Variants in PHLPP2 observed in about 807,000 individuals in gnomAD.
PHLPP2 encodes PH domain leucine-rich repeat-containing protein phosphatase 2.
Under a neutral mutation model 124.9 loss-of-function variants are expected in PHLPP2, and 66 were observed. The observed-to-expected ratio is 0.53, with a 90% CI of 0.43 to 0.65. The LOEUF is 0.65. Among genes scored for constraint, PHLPP2 ranks in the 30% least tolerant of loss-of-function variants. The pLI, the probability that PHLPP2 is intolerant of heterozygous loss-of-function variation, is 0.00. For missense variants in PHLPP2, 1,685 were observed against 1,600.4 expected (o/e 1.05, Z -0.90); for synonymous variants, 681 against 624.7 (o/e 1.09, Z -1.34).
chr16:71,695,965 A>G (rs2045165991), intron 3 of PHLPP2, among the ~76,000 whole-genome samples: 1 of 152,228 alleles, frequency 6.6e-6, no homozygotes, highest in South Asian at 2.1e-4. Flanking sequence ...GGAGGTGATT[A>G]TAACAAATTA....
At chr16:71,671,517 T>C (rs928485494) in intron 10 of PHLPP2, among the ~76,000 whole-genome samples, 2 of 152,056 alleles carry the variant, frequency 1.3e-5, no homozygotes, top group African/African-American at 2.4e-5. Flanking sequence ...ACAGTGGTTA[T>C]AAATGAATAA....
At chr16:71,714,338 G>C (rs2045343322) in intron 2 of PHLPP2, among the ~76,000 whole-genome samples, 174 bp downstream of exon 2, 4 of 152,168 alleles carry the variant, frequency 2.6e-5, no homozygotes. Flanking sequence ...TTGGTCAATA[G>C]TTTTTAAATT....
intron 1 of PHLPP2, among the ~76,000 whole-genome samples, chr16:71,719,964 ATT>A (rs756642820): frequency 3.4e-4 from 18 of 53,250 alleles, no homozygotes; most frequent in African/African-American, 4.2e-4. Context: ...TGCCCAGCTA[ATT>A]TTTTTTTTTT....
intron 8 of PHLPP2, chr16:71,677,453 C>CATATATATATATATATATAT (rs9302629): frequency 7.5e-6 from 1 of 133,778 alleles, no homozygotes; most frequent in Non-Finnish European, 1.6e-5. Context: ...ATAATCTGCA[C>CATATATATATATATATATAT]ATATATATAT....
chr16:71,678,930 C>A lies in PHLPP2; in HGVS notation c.1093G>T (p.Gly365Ter). 1 of 1,613,302 alleles carries A rather than the reference C, an allele frequency of 6.2e-7. No homozygotes were observed. The highest frequency in any genetic ancestry group is 1.1e-5 in the South Asian group (1 of 91,052). ...NFLTTLPEEL[G>*]NLQQLSSLGI... is the part of the protein sequence containing the mutation. The stretch of plus-strand genomic sequence containing the variant: ...AAGGAGGAAAGCTGTTGTAGATTTC[C>A]CAATTCTTCAGGTAAAGTAGTCAGA... The change falls in exon 8 of 19, where the codon GGA (glycine) becomes TGA (stop). Residue 365 changes from glycine (G) to a stop codon, truncating the protein, a stop_gained. Coordinates refer to ENST00000568954, the MANE Select transcript of PHLPP2 (RefSeq NM_015020.3). LOFTEE classifies it high-confidence loss of function.
In PHLPP2 at chr16:71,684,523, A is replaced by C. The variant is rs772115615; in HGVS notation, c.688T>G (p.Phe230Val). ...CGCTGGTACTCGGCCAAAGTCTCGA[A>C]GCTGACATGATAGGTCTGAGCTTGG... ...GAQAQTYHVSFETLAEYQRWQ... is the reference protein window; with the variant it reads ...GAQAQTYHVSVETLAEYQRWQ... Residue 230 changes from phenylalanine (F) to valine (V), a missense_variant, in exon 5 of 19, where the codon TTC becomes GTC. Phe to Val is a conservative substitution (Grantham distance 50). Transcript: ENST00000568954. 3.1e-6 allele frequency: 5 copies of C among 1,613,862 alleles called. No homozygotes were observed. In the African/African-American group the frequency reaches 6.7e-5, roughly 22 times the overall value.
chr16:71,718,268 A>C (rs540283849), intron 1 of PHLPP2, among the ~76,000 whole-genome samples: 2 of 152,242 alleles, frequency 1.3e-5, no homozygotes, highest in South Asian at 4.1e-4. Flanking sequence ...AAATTCCTTA[A>C]GGAACTTTAC....
At chr16:71,723,006 C>T (rs186913063) in intron 1 of PHLPP2, among the ~76,000 whole-genome samples, 1 of 152,364 alleles carries the variant, frequency 6.6e-6, no homozygotes, top group East Asian at 1.9e-4. Context: ...CCCACTCCCC[C>T]AATTCCTGCC....
Position 71,676,528 on chromosome 16 carries a change from G to A in PHLPP2, c.1390C>T (p.Gln464Ter). The A allele has an allele frequency of 1.2e-6, 2 of 1,613,810 alleles. No homozygotes were observed. Among genetic ancestry groups the A allele is most frequent in the Non-Finnish European group, 8.5e-7 (1 of 1,179,644 alleles). The change falls in exon 9 of 19, where the codon CAG becomes TAG. Residue 464 changes from glutamine to a stop codon, truncating the protein, a stop_gained. Coordinates refer to ENST00000568954, the MANE Select transcript of PHLPP2 (RefSeq NM_015020.3). LOFTEE classifies it high-confidence loss of function. ...AGCTGATTCCGCCCACAGTGCAGCT[G>A]TTCCAAGCTGCATAAGGAGCTAAGA... The part of the protein sequence containing the change: ...LDLSSLCSLE[Q>*]LHCGRNQLRE...
intron 3 of PHLPP2, among the ~76,000 whole-genome samples, chr16:71,702,104 G>A (rs1274644907): frequency 6.6e-6 from 1 of 152,102 alleles, no homozygotes; most frequent in African/African-American, 2.4e-5. Flanking sequence ...TGATAGATGG[G>A]TCGTGTTCCT....
chr16:71,657,390 A>G lies in PHLPP2; in HGVS notation c.2280-709T>C, dbSNP rs1387511501. On this transcript the variant is annotated intron_variant, in intron 15 of 18. Coordinates refer to ENST00000568954, the MANE Select transcript of PHLPP2 (RefSeq NM_015020.3). The stretch of plus-strand genomic sequence containing the variant: ...ACCACGCCCGGCCAACAATAATATT[A>G]TCTTTTTTTTTTTCTCTTTTTTGAG... Among the ~76,000 whole-genome samples the G allele has an allele frequency of 2.2e-5, 3 of 135,762 alleles. No individual in the cohort carries two copies. In the East Asian group the frequency reaches 6.9e-4, roughly 31 times the overall value. The allele number at this position is 135,762 out of a possible 152,430, so 89.1% of individuals were successfully genotyped here.
chr16:71,694,945 C>T (rs1188771761), intron 3 of PHLPP2, among the ~76,000 whole-genome samples: 1 of 151,908 alleles, frequency 6.6e-6, no homozygotes, highest in South Asian at 2.1e-4. Flanking sequence ...CCACCACGCC[C>T]GGCTAATATT....
At chr16:71,676,744 T>G in intron 8 of PHLPP2, 95 bp from the exon 9 acceptor site, 1 of 908,392 alleles carries the variant, frequency 1.1e-6, no homozygotes, top group Non-Finnish European at 1.7e-6. Flanking sequence ...TATGATCCCT[T>G]TCTCTGTTTA....
At chr16:71,674,912 G>A (rs748148493) in intron 9 of PHLPP2, among the ~76,000 whole-genome samples, 15 of 152,310 alleles carry the variant, frequency 9.8e-5, no homozygotes, top group African/African-American at 3.1e-4. Context: ...GAAGAGAATC[G>A]CTTGAACCTG....
Position 71,649,130 on chromosome 16 carries a change from A to G in PHLPP2, c.3732T>C (p.Ser1244=). 2 of 1,614,066 alleles carry G rather than the reference A, an allele frequency of 1.2e-6. No individual in the cohort carries two copies. The highest frequency in any genetic ancestry group is 1.7e-6 in the Non-Finnish European group (2 of 1,179,934). ...CLYGKKLSNG[S]IVPLEDSLNL... ...TCAGGCTGTCCTCTAGGGGCACAAT[A>G]GAGCCATTGGAGAGTTTCTTCCCAT... Residue 1244 remains serine (S), a synonymous_variant, in exon 19 of 19, where the codon TCT becomes TCC. Transcript: ENST00000568954.
At position 71,702,123 on chromosome 16, in the gene PHLPP2, T is replaced by A. The variant is rs111311461; in HGVS notation, c.418+475A>T. On this transcript the variant is annotated intron_variant, in intron 3 of 18. Coordinates refer to ENST00000568954, the MANE Select transcript of PHLPP2 (RefSeq NM_015020.3). The stretch of plus-strand genomic sequence containing the variant: ...AGATGGGTCGTGTTCCTCAAATTCA[T>A]CTTAAAATATTTTTCTCAGAAGAGT... Among the ~76,000 whole-genome samples the A allele has an allele frequency of 5.3e-5, 8 of 152,244 alleles. 1 individual carries two copies. Among genetic ancestry groups the A allele is most frequent in the African/African-American group, 1.9e-4 (8 of 41,542 alleles).
At chr16:71,682,859 AG>A (rs1352303259) in intron 5 of PHLPP2, among the ~76,000 whole-genome samples, 1 of 152,220 alleles carries the variant, frequency 6.6e-6, no homozygotes, top group African/African-American at 2.4e-5. Context: ...ATCTAAAAAA[AG>A]AAACAATATA....
At chr16:71,695,279 G>A (rs1198011389) in intron 3 of PHLPP2, among the ~76,000 whole-genome samples, 4 of 152,162 alleles carry the variant, frequency 2.6e-5, no homozygotes, top group Admixed American at 2.6e-4. Context: ...AGGAATACAG[G>A]TGCATAAAGA....
intron 1 of PHLPP2, chr16:71,723,188 G>A (rs1161558454): frequency 2.6e-5 from 4 of 152,108 alleles, no homozygotes; most frequent in Admixed American, 2.0e-4. Context: ...CTCTCTCCAA[G>A]CTGGGCGGGT....
Sources: allele counts gnomAD v4.1 joint callset (sites outside exome capture counted in the v4.1 genomes callset), GRCh38; gene constraint gnomAD v4.1.1; transcripts MANE v1.5; gene names NCBI Gene and HGNC (gene_info 2026-07-23, HGNC 2026-07-21).